Variants in FRAS1 observed in about 807,000 individuals in gnomAD.
FRAS1 encodes the protein Fraser extracellular matrix complex subunit 1, also known as extracellular matrix organizing protein FRAS1.
Under a neutral mutation model 435.2 loss-of-function variants are expected in FRAS1, and 290 were observed. That is an observed-to-expected ratio of 0.67 (90% confidence interval 0.61 to 0.73). The LOEUF is 0.73. FRAS1 is among the 30% of genes least tolerant of loss of function. FRAS1 has a pLI of 0.00. For synonymous variants in FRAS1, 1,800 were observed against 1,851.0 expected (o/e 0.97, Z 0.71); for missense variants, 4,860 against 5,001.5 (o/e 0.97, Z 0.85).
chr4:78,249,323 C>CTTTTTTTT (rs11308579), intron 4 of FRAS1, among the ~76,000 whole-genome samples: 3 of 47,206 alleles, frequency 6.4e-5, no homozygotes, highest in Non-Finnish European at 7.7e-5. Context: ...GCAGTGGAGC[C>CTTTTTTTT]TTTTTTTTTT....
At chr4:78,504,473 A>G (rs768435188) in intron 61 of FRAS1, among the ~76,000 whole-genome samples, 2 of 152,186 alleles carry the variant, frequency 1.3e-5, no homozygotes, top group Admixed American at 1.3e-4. Flanking sequence ...CCATTATGTA[A>G]TGGCCTTCTT....
chr4:78,151,352 GT>G (rs1720653577), intron 2 of FRAS1, among the ~76,000 whole-genome samples: 1 of 141,410 alleles, frequency 7.1e-6, no homozygotes, highest in African/African-American at 3.2e-5. Flanking sequence ...CATCTACCAT[GT>G]GCCAGTCATG....
At chr4:78,514,886 G>A (rs1408757980) in intron 65 of FRAS1, among the ~76,000 whole-genome samples, 6 of 151,974 alleles carry the variant, frequency 3.9e-5, no homozygotes, top group Non-Finnish European at 7.4e-5. Context: ...GGGGAACACA[G>A]TGAAACCCCA....
chr4:78,270,196 T>C (rs950979238), intron 9 of FRAS1, among the ~76,000 whole-genome samples: 2 of 152,262 alleles, frequency 1.3e-5, no homozygotes, highest in African/African-American at 4.8e-5. Context: ...AGAAAAGCTA[T>C]TTGAAACTTC....
intron 32 of FRAS1, among the ~76,000 whole-genome samples, chr4:78,414,895 C>A (rs1733486943): frequency 6.6e-6 from 1 of 152,068 alleles, no homozygotes; most frequent in Admixed American, 6.5e-5. Flanking sequence ...TAATAAATGC[C>A]ATGGCAGAGC....
chr4:78,276,735 G>A (rs546291864), intron 9 of FRAS1, among the ~76,000 whole-genome samples: 2 of 152,346 alleles, frequency 1.3e-5, no homozygotes, highest in South Asian at 4.1e-4. Flanking sequence ...ACTGGAGGGT[G>A]CCTCCCAGTT....
intron 59 of FRAS1, among the ~76,000 whole-genome samples, chr4:78,495,191 TTTCTTATATTTCCCAAATA>T (rs1720477152): frequency 6.6e-6 from 1 of 152,190 alleles, no homozygotes; most frequent in Non-Finnish European, 1.5e-5. Flanking sequence ...TTTGCAATGC[TTTCTTATATTTCCCAAATA>T]TTAATTCCTT....
intron 70 of FRAS1, 94 bp from the exon 71 acceptor site, chr4:78,534,355 A>T: frequency 1.0e-6 from 1 of 999,158 alleles, no homozygotes; most frequent in Non-Finnish European, 1.5e-6. Flanking sequence ...TCTGTGTACA[A>T]TCCTGTGGAG....
At chr4:78,286,688 G>A (rs1727623741) in intron 14 of FRAS1, 149 bp downstream of exon 14, 1 of 725,094 alleles carries the variant, frequency 1.4e-6, no homozygotes, top group African/African-American at 1.8e-5. Context: ...GGGATGAGGA[G>A]AACAGTGTGT....
chr4:78,391,718 G>C (rs1732451667), intron 29 of FRAS1, among the ~76,000 whole-genome samples: 1 of 152,106 alleles, frequency 6.6e-6, no homozygotes, highest in African/African-American at 2.4e-5. Context: ...TGTCATGCTA[G>C]GAACTGGATG....
intron 1 of FRAS1, among the ~76,000 whole-genome samples, chr4:78,063,348 C>A: frequency 6.6e-6 from 1 of 152,128 alleles, no homozygotes; most frequent in East Asian, 1.9e-4. Flanking sequence ...AACTGGGCAT[C>A]ACACTGGAAT....
chr4:78,451,804 C>A lies in FRAS1; in HGVS notation c.6496C>A (p.Pro2166Thr), dbSNP rs767095340. The change falls in exon 46 of 74, where the codon CCT (proline) becomes ACT (threonine). Residue 2166 changes from proline to threonine, a missense_variant. By Grantham distance (38) the Pro-to-Thr change is conservative. Transcript: ENST00000512123. ...AGAATATAGTCATGGAACAGGAGAACCTGGAGGGAGCTTTGCTTTTAAATT... is the reference window on the plus strand; with the variant it reads ...AGAATATAGTCATGGAACAGGAGAAACTGGAGGGAGCTTTGCTTTTAAATT... ...HVEYSHGTGE[P>T]GGSFAFKFDV... 2.0e-5 allele frequency: 32 copies of A among 1,612,076 alleles called. No individual in the cohort carries two copies. The highest frequency in any genetic ancestry group is 3.3e-5 in the Admixed American group (2 of 59,924).
At position 78,501,132 on chromosome 4, in the gene FRAS1, A is replaced by G. The variant is rs576262263; in HGVS notation, c.9316+1211A>G. 1.3e-3 allele frequency among the ~76,000 whole-genome samples: 195 copies of G among 152,076 alleles called. 1 individual carries two copies. The highest frequency in any genetic ancestry group is 3.4e-3 in the Middle Eastern group (1 of 294). Reference sequence around the variant, plus strand: ...CCCTCCCCCAGCCCTTCATCCTCCAACAGGCCCCATTGTGTGATGTTCCCT... The same window carrying G: ...CCCTCCCCCAGCCCTTCATCCTCCAGCAGGCCCCATTGTGTGATGTTCCCT... On this transcript the variant is annotated intron_variant, in intron 61 of 73. Coordinates refer to ENST00000512123, the MANE Select transcript of FRAS1 (RefSeq NM_025074.7).
intron 18 of FRAS1, among the ~76,000 whole-genome samples, chr4:78,328,604 A>C (rs1285205288): frequency 1.3e-5 from 2 of 152,198 alleles, no homozygotes; most frequent in Non-Finnish European, 2.9e-5. Flanking sequence ...TTTCTTAAAC[A>C]TCAGTTCATT....
At chr4:78,194,177 C>T (rs1190187482) in intron 2 of FRAS1, among the ~76,000 whole-genome samples, 20 of 152,226 alleles carry the variant, frequency 1.3e-4, no homozygotes, top group Admixed American at 3.9e-4. Flanking sequence ...GTGGGTAACC[C>T]GACCTTTCTC....
chr4:78,196,615 T>C (rs199966506), intron 2 of FRAS1, among the ~76,000 whole-genome samples: 2 of 144,464 alleles, frequency 1.4e-5, no homozygotes, highest in South Asian at 2.2e-4. Flanking sequence ...TTTTTTTTTT[T>C]CCTGAATTGG....
At position 78,374,200 on chromosome 4, in the gene FRAS1, C is replaced by T; in HGVS notation, c.3100C>T (p.Gln1034Ter). 4 of 1,605,536 alleles carry T rather than the reference C, an allele frequency of 2.5e-6. No individual in the cohort carries two copies. Among genetic ancestry groups the T allele is most frequent in the Non-Finnish European group, 3.4e-6 (4 of 1,173,928 alleles). ...PFLLLEAQCV[Q>*]ECGKGYFADH... ...TCTCCTCTTGGAAGCCCAGTGTGTC[C>T]AGGAATGTGGGAAGGGGTACTTTGC... The change falls in exon 25 of 74, where the codon CAG becomes TAG. Residue 1034 changes from glutamine (Q) to a stop codon, truncating the protein, a stop_gained. Transcript: ENST00000512123. LOFTEE classifies it high-confidence loss of function.
intron 2 of FRAS1, among the ~76,000 whole-genome samples, chr4:78,199,906 G>A (rs1722974963): frequency 6.6e-6 from 1 of 152,182 alleles, no homozygotes; most frequent in Non-Finnish European, 1.5e-5. Context: ...GATGATGGAT[G>A]AATAAAAATC....
intron 14 of FRAS1, among the ~76,000 whole-genome samples, chr4:78,295,918 T>C (rs1178722910): frequency 6.6e-6 from 1 of 151,672 alleles, no homozygotes; most frequent in East Asian, 1.9e-4. Flanking sequence ...GCTAATTTTA[T>C]TTTTTTGTAT....
Sources: allele counts gnomAD v4.1 joint callset (sites outside exome capture counted in the v4.1 genomes callset), GRCh38; gene constraint gnomAD v4.1.1; transcripts MANE v1.5; gene names NCBI Gene and HGNC (gene_info 2026-07-23, HGNC 2026-07-21).